STC1: variants seen among roughly 807,000 people sequenced by gnomAD.
STC1 encodes the protein stanniocalcin-1.
STC1 carries 7 observed loss-of-function variants against 22.6 expected under a neutral mutation model. That is an observed-to-expected ratio of 0.31 (90% CI 0.18 to 0.58). The LOEUF is 0.58. Ranked by LOEUF, STC1 falls within the 20% of genes least tolerant of loss-of-function variation. The pLI is 0.89. For missense variants in STC1, 224 were observed against 311.0 expected (o/e 0.72, Z 2.10); for synonymous variants, 113 against 120.7 (o/e 0.94, Z 0.42).
chr8:23,854,554 T>C lies in STC1; in HGVS notation c.-31A>G. 1.1e-6 allele frequency: 1 copy of C among 882,114 alleles called. No individual in the cohort carries two copies. Among genetic ancestry groups the C allele is most frequent in the African/African-American group, 1.9e-5 (1 of 52,740 alleles). The allele number at this position is 882,114 out of a possible 1,614,324, so 54.6% of individuals were successfully genotyped here. On this transcript the variant is annotated 5_prime_UTR_variant, in exon 1 of 4. Transcript: ENST00000290271. ...GAGAAGTTTCCGCTAAGTTGTTGGG[T>C]TTTTTTTTTTTCCTGCCCCCCTTTC... is the stretch of plus-strand genomic sequence containing the variant.
At position 23,851,520 on chromosome 8, in the gene STC1, G is replaced by A. The variant is rs1175476044; in HGVS notation, c.273C>T (p.Phe91=). The A allele has an allele frequency of 3.1e-6, 5 of 1,613,906 alleles. No individual in the cohort carries two copies. Among genetic ancestry groups the A allele is most frequent in the African/African-American group, 1.3e-5 (1 of 74,876 alleles). The change falls in exon 3 of 4, where the codon TTC becomes TTT. Residue 91 remains phenylalanine, a synonymous_variant. Transcript: ENST00000290271. ...CGATGCATTTTAAGCTCTCTTTGAC[G>A]AATGCTTTTCCCTGCCATGGAGGAA... ...AAKFDTQGKA[F]VKESLKCIAN...
At chr8:23,846,067 A>G (rs1004852252) in intron 3 of STC1, among the ~76,000 whole-genome samples, 13 of 152,230 alleles carry the variant, frequency 8.5e-5, no homozygotes, top group Non-Finnish European at 1.0e-4. Flanking sequence ...CACTAAGGAA[A>G]TGGAGTTTTA....
Position 23,843,867 on chromosome 8 carries a change from G to A in STC1, c.*903C>T, listed in dbSNP as rs1802542159. 1.3e-5 allele frequency: 2 copies of A among 152,596 alleles called. No homozygotes were observed. The highest frequency in any genetic ancestry group is 4.8e-5 in the African/African-American group (2 of 41,436). 9.5% of individuals were successfully genotyped at this position (152,596 alleles called of 1,614,324 possible). On this transcript the variant is annotated 3_prime_UTR_variant, in exon 4 of 4. Transcript: ENST00000290271. ...TTAGTTATAAAAAAGGCCACAAGGA[G>A]CATTTATGTGGATATCTGGAAGTGA...
At chr8:23,847,991 A>T (rs1482325415) in intron 3 of STC1, among the ~76,000 whole-genome samples, 1 of 152,208 alleles carries the variant, frequency 6.6e-6, no homozygotes, top group Non-Finnish European at 1.5e-5. Context: ...AGGCCACATG[A>T]GTTCTAAGCC....
chr8:23,854,589 T>G lies in STC1; in HGVS notation c.-66A>C. 1 of 1,310,908 alleles carries G rather than the reference T, an allele frequency of 7.6e-7. No individual in the cohort carries two copies. The highest frequency in any genetic ancestry group is 1.1e-6 in the Non-Finnish European group (1 of 906,432). The allele number at this position is 1,310,908 out of a possible 1,614,324, so 81.2% of individuals were successfully genotyped here. The stretch of plus-strand genomic sequence containing the variant: ...TTCCTGCCCCCCTTTCCTCTTTCCC[T>G]CTCCTGGCTTGAGTGAAGATGTGGA... On this transcript the variant is annotated 5_prime_UTR_variant, in exon 1 of 4. Coordinates refer to ENST00000290271, the MANE Select transcript of STC1 (RefSeq NM_003155.3).
At chr8:23,852,761 A>T (rs1383317602) in intron 1 of STC1, among the ~76,000 whole-genome samples, 1 of 152,116 alleles carries the variant, frequency 6.6e-6, no homozygotes, top group Non-Finnish European at 1.5e-5. Context: ...AAGGAAGGAG[A>T]CAGTGGCTAG....
intron 1 of STC1, chr8:23,854,191 A>G: frequency 1.7e-6 from 2 of 1,184,652 alleles, no homozygotes; most frequent in Non-Finnish European, 2.3e-6. Flanking sequence ...AAATACCCTC[A>G]GCAGAGCGTC....
At chr8:23,849,919 A>G (rs1404248836) in intron 3 of STC1, among the ~76,000 whole-genome samples, 1 of 152,164 alleles carries the variant, frequency 6.6e-6, no homozygotes, top group Non-Finnish European at 1.5e-5. Context: ...CCTCTGTGCA[A>G]TAAGAATCTT....
At chr8:23,849,772 C>A (rs908832856) in intron 3 of STC1, among the ~76,000 whole-genome samples, 2 of 152,236 alleles carry the variant, frequency 1.3e-5, no homozygotes, top group African/African-American at 2.4e-5. Flanking sequence ...CCTCTCCCCC[C>A]ACCCCTAACT....
intron 1 of STC1, among the ~76,000 whole-genome samples, chr8:23,853,075 G>A (rs1473959974): frequency 6.6e-6 from 1 of 151,500 alleles, no homozygotes; most frequent in African/African-American, 2.4e-5. Flanking sequence ...AGAAACACAG[G>A]TGTGGAATAA....
chr8:23,852,163 G>C, intron 2 of STC1, 79 bp downstream of exon 2: 2 of 1,570,636 alleles, frequency 1.3e-6, no homozygotes, highest in East Asian at 2.2e-5. Flanking sequence ...TTCCCTACAA[G>C]ACTGGTTCCT....
At chr8:23,845,457 A>G (rs1372653592) in intron 3 of STC1, among the ~76,000 whole-genome samples, 3 of 152,130 alleles carry the variant, frequency 2.0e-5, no homozygotes, top group Admixed American at 6.5e-5. Context: ...AGTGAGTCCA[A>G]TGCTCATCAC....
Position 23,844,898 on chromosome 8 carries a change from G to A in STC1, c.616C>T (p.His206Tyr). Reference sequence around the variant, plus strand: ...CTCCTGTTGAAGTCAGCTCGTGGGTGTGTTTGGGCACAGTGGTCTGTCTGC... The same window carrying A: ...CTCCTGTTGAAGTCAGCTCGTGGGTATGTTTGGGCACAGTGGTCTGTCTGC... ...ILQTDHCAQT[H>Y]PRADFNRRRT... Residue 206 changes from histidine to tyrosine, a missense_variant, in exon 4 of 4, where the codon CAC becomes TAC. Transcript: ENST00000290271. 2 of 1,614,124 alleles carry A rather than the reference G, an allele frequency of 1.2e-6. No individual in the cohort carries two copies. Among genetic ancestry groups the A allele is most frequent in the Non-Finnish European group, 1.7e-6 (2 of 1,180,022 alleles).
At chr8:23,850,392 G>A (rs1432131250) in intron 3 of STC1, among the ~76,000 whole-genome samples, 2 of 152,148 alleles carry the variant, frequency 1.3e-5, no homozygotes, top group Non-Finnish European at 2.9e-5. Context: ...ATTCAAGGCT[G>A]GGAGTCAAGT....
chr8:23,844,719 C>A lies in STC1; in HGVS notation c.*51G>T. ...AGTACACTCAAAACTGGTGTGTCAACACCCCTAAAATGATACTAGTTTGGT... is the reference window on the plus strand; with the variant it reads ...AGTACACTCAAAACTGGTGTGTCAAAACCCCTAAAATGATACTAGTTTGGT... On this transcript the variant is annotated 3_prime_UTR_variant, in exon 4 of 4. Transcript: ENST00000290271. 6.3e-7 allele frequency: 1 copy of A among 1,591,412 alleles called. No homozygotes were observed.
intron 3 of STC1, among the ~76,000 whole-genome samples, chr8:23,847,269 T>C (rs1031011234): frequency 3.9e-5 from 6 of 152,208 alleles, no homozygotes; most frequent in Non-Finnish European, 5.9e-5. Flanking sequence ...GGGCCATACA[T>C]TTCCTTCAGG....
rs765052469 is a variant in STC1 at position 23,852,335 on chromosome 8, A to G, written c.168T>C (p.Ala56=). 8 of 1,613,580 alleles carry G rather than the reference A, an allele frequency of 5.0e-6. No homozygotes were observed. The Admixed American group carries it at 1.3e-4, about 27-fold the overall frequency. ...LNSALQVGCG[A]FACLENSTCD... ...AGGTGGAGTTTTCCAGGCATGCAAA[A>G]GCCCCGCAGCCGACCTGTAGAGCAC... The change falls in exon 2 of 4, where the codon GCT becomes GCC. Residue 56 remains alanine (A), a synonymous_variant. Transcript: ENST00000290271.
rs1021129236 is a variant in STC1, at chr8:23,844,635, C to T, written c.*135G>A. On this transcript the variant is annotated 3_prime_UTR_variant, in exon 4 of 4. Transcript: ENST00000290271. The stretch of plus-strand genomic sequence containing the variant: ...TTGATTACAGAAGCCTAGTTTCATG[C>T]AATTTTCTTTAAGGGGGATAGAAAA... 9.8e-7 allele frequency: 1 copy of T among 1,021,860 alleles called. No homozygotes were observed. The allele number at this position is 1,021,860 out of a possible 1,614,324, so 63.3% of individuals were successfully genotyped here.
intron 3 of STC1, among the ~76,000 whole-genome samples, chr8:23,850,040 C>G (rs76369571): frequency 0.018 from 2,680 of 152,266 alleles, 44 homozygotes; most frequent in Non-Finnish European, 0.027. Flanking sequence ...AAGTCACTTC[C>G]AAGGACTAGA....
Sources: gnomAD v4.1 joint callset for allele counts (sites outside exome capture counted in the v4.1 genomes callset) on GRCh38, gnomAD v4.1.1 for gene constraint, MANE v1.5 for transcripts, NCBI Gene and HGNC (gene_info 2026-07-23, HGNC 2026-07-21) for gene names.